The following KAZN variants were observed in gnomAD, a reference collection of about 807,000 sequenced individuals.
KAZN encodes the protein kazrin.
Under a neutral mutation model 87.4 loss-of-function variants are expected in KAZN, and 40 were observed. The observed-to-expected ratio is 0.46, with a 90% confidence interval of 0.36 to 0.60. KAZN has a LOEUF of 0.60. KAZN is among the 20% of genes least tolerant of loss of function. The pLI, the probability that KAZN is intolerant of heterozygous loss-of-function variation, is 0.00. For missense variants in KAZN, 898 were observed against 1,073.9 expected, an observed-to-expected ratio of 0.84 and a Z score of 2.29; for synonymous variants, 466 against 458.3, an observed-to-expected ratio of 1.02 and a Z score of -0.22.
In KAZN at chr1:14,668,553, C is replaced by T. The variant is rs984030015; in HGVS notation, c.226+69330C>T. 2.0e-4 allele frequency among the ~76,000 whole-genome samples: 30 copies of T among 152,172 alleles called. 1 individual carries two copies. The highest frequency in any genetic ancestry group is 1.2e-3 in the Admixed American group (19 of 15,292). On this transcript the variant is annotated intron_variant, in intron 1 of 14. Coordinates refer to ENST00000376030, the MANE Select transcript of KAZN (RefSeq NM_201628.3). ...CCCAGAGCCCACCTGGGGAAAGGGC[C>T]GAATCCCTTCTTCCTGTTTCCCCTC...
rs78597794 is a variant in KAZN, at chr1:14,298,370, C to T, written c.249+117778C>T. ...CCCTGTGTTCCTCCTTGTCTTCTTT[C>T]ATGATGAAACTCAAGATGGCTTGTG... is the stretch of plus-strand genomic sequence containing the variant. On this transcript the variant is annotated intron_variant, in intron 2 of 16. Coordinates refer to the KAZN transcript ENST00000636203. Among the ~76,000 whole-genome samples, 473 of 152,278 alleles carry T rather than the reference C, an allele frequency of 3.1e-3. 1 individual carries two copies. Among genetic ancestry groups the T allele is most frequent in the African/African-American group, 0.011 (451 of 41,560 alleles).
At chr1:14,578,183 A>G (rs1285951389) in intron 2 of KAZN, among the ~76,000 whole-genome samples, 1 of 152,100 alleles carries the variant, frequency 6.6e-6, no homozygotes, top group African/African-American at 2.4e-5. Context: ...TCCATTAATT[A>G]CTTTCCAGGC....
chr1:14,511,229 G>A (rs1670888330), intron 2 of KAZN, among the ~76,000 whole-genome samples: 1 of 152,176 alleles, frequency 6.6e-6, no homozygotes. Context: ...TGTCAAGCCA[G>A]TTTTGAAAGA....
rs1403829488 is a variant in KAZN, at chr1:14,960,865, A to G, written c.408A>G (p.Glu136=). 6.2e-7 allele frequency: 1 copy of G among 1,605,368 alleles called. No homozygotes were observed. The highest frequency in any genetic ancestry group is 1.3e-5 in the African/African-American group (1 of 74,710). The change falls in exon 2 of 15, where the codon GAA becomes GAG. Residue 136 remains glutamate (E), a synonymous_variant. Coordinates refer to ENST00000376030, the MANE Select transcript of KAZN (RefSeq NM_201628.3). ...QKEQELARAK[E]ALQAMKADRK... Reference sequence around the variant, plus strand: ...AGCAGGAGCTAGCCAGAGCCAAAGAAGCCTTGCAGGGTGAGTGACGAGTCA... The same window carrying G: ...AGCAGGAGCTAGCCAGAGCCAAAGAGGCCTTGCAGGGTGAGTGACGAGTCA...
At chr1:14,101,035 T>A (rs1223990285) in intron 1 of KAZN, among the ~76,000 whole-genome samples, 1 of 152,232 alleles carries the variant, frequency 6.6e-6, no homozygotes, top group Non-Finnish European at 1.5e-5. Context: ...CCCAGCCACA[T>A]GGAACTGTGA....
At chr1:14,963,284 T>C (rs1664098003) in intron 2 of KAZN, among the ~76,000 whole-genome samples, 1 of 152,210 alleles carries the variant, frequency 6.6e-6, no homozygotes, top group African/African-American at 2.4e-5. Flanking sequence ...GCCAACACTC[T>C]TCTAAGTACG....
intron 2 of KAZN, among the ~76,000 whole-genome samples, chr1:14,590,355 CAG>C (rs981171427): frequency 1.3e-5 from 2 of 152,116 alleles, no homozygotes; most frequent in African/African-American, 4.8e-5. Flanking sequence ...GAACCTTTTG[CAG>C]AGAGTGAAGG....
chr1:14,828,829 A>C (rs895485502), intron 1 of KAZN, among the ~76,000 whole-genome samples: 45 of 152,292 alleles, frequency 3.0e-4, no homozygotes, highest in African/African-American at 9.9e-4. Context: ...TTGTTACTTC[A>C]TGGTCACAAG....
chr1:15,059,552 G>A (rs1009179297), intron 5 of KAZN, among the ~76,000 whole-genome samples: 3 of 152,170 alleles, frequency 2.0e-5, no homozygotes, highest in African/African-American at 7.2e-5. Context: ...CCCACCGGGA[G>A]GCCTCATGGT....
In KAZN at chr1:15,012,919, C is replaced by T. The variant is rs185665566; in HGVS notation, c.419-21830C>T. On this transcript the variant is annotated intron_variant, in intron 2 of 14. Transcript: ENST00000376030. ...CCTCGGCAACAGAAAGAGACTGTCT[C>T]AAAAAAAAGAAAAGAATGGGAAGCG... Among the ~76,000 whole-genome samples the T allele has an allele frequency of 3.2e-4, 48 of 151,880 alleles. No individual in the cohort carries two copies. In the East Asian group the frequency reaches 7.1e-3, roughly 23 times the overall value.
intron 1 of KAZN, among the ~76,000 whole-genome samples, chr1:14,070,004 A>G (rs1305101981): frequency 6.6e-6 from 1 of 151,924 alleles, no homozygotes; most frequent in African/African-American, 2.4e-5. Flanking sequence ...CTCTGTCTCT[A>G]CTAAAATACA....
At chr1:14,426,758 G>A (rs1415183004) in intron 2 of KAZN, among the ~76,000 whole-genome samples, 1 of 152,128 alleles carries the variant, frequency 6.6e-6, no homozygotes, top group Non-Finnish European at 1.5e-5. Flanking sequence ...CTCCCAAGCT[G>A]AGAAGGTCAG....
intron 2 of KAZN, among the ~76,000 whole-genome samples, chr1:14,300,909 G>A (rs1305126395): frequency 6.6e-6 from 1 of 152,184 alleles, no homozygotes; most frequent in Non-Finnish European, 1.5e-5. Flanking sequence ...AGTCATTGTG[G>A]AACTTGGGTG....
Position 14,453,955 on chromosome 1 carries a change from C to T in KAZN, c.250-145028C>T, listed in dbSNP as rs115806241. Reference sequence around the variant, plus strand: ...CTTCTATTACCATATTCAACAAAGACATAAAAGGCCTTGCAAAAAAGAACT... The same window carrying T: ...CTTCTATTACCATATTCAACAAAGATATAAAAGGCCTTGCAAAAAAGAACT... On this transcript the variant is annotated intron_variant, in intron 2 of 16. Coordinates refer to the KAZN transcript ENST00000636203. 2.7e-3 allele frequency among the ~76,000 whole-genome samples: 410 copies of T among 152,268 alleles called. 3 individuals carry two copies. The highest frequency in any genetic ancestry group is 9.2e-3 in the African/African-American group (381 of 41,542).
intron 2 of KAZN, among the ~76,000 whole-genome samples, chr1:14,313,602 C>T (rs745976477): frequency 8.5e-5 from 13 of 152,098 alleles, no homozygotes; most frequent in Non-Finnish European, 1.8e-4. Context: ...TAAGTCACTT[C>T]ACTTTTCTGG....
intron 1 of KAZN, among the ~76,000 whole-genome samples, chr1:13,936,093 G>T (rs1640725778): frequency 2.6e-5 from 1 of 38,246 alleles, no homozygotes; most frequent in African/African-American, 8.4e-5. Flanking sequence ...TGGTACAAGT[G>T]CAGTTTTTTT....
At chr1:14,347,202 G>GT (rs1255298466) in intron 2 of KAZN, among the ~76,000 whole-genome samples, 5 of 152,214 alleles carry the variant, frequency 3.3e-5, no homozygotes, top group Admixed American at 2.0e-4. Flanking sequence ...ACGTGTATGT[G>GT]TAAGGGCTAT....
Position 15,000,324 on chromosome 1 carries a change from A to G in KAZN, c.419-34425A>G, listed in dbSNP as rs553002164. On this transcript the variant is annotated intron_variant, in intron 2 of 14. Transcript: ENST00000376030. ...GGAGCCTGGCCCTGCCAACACCCTG[A>G]TTTTGGCCCAGTGAAACCTAATTTG... 1.3e-3 allele frequency among the ~76,000 whole-genome samples: 196 copies of G among 151,990 alleles called. 3 individuals carry two copies. Among genetic ancestry groups the G allele is most frequent in the African/African-American group, 4.5e-3 (186 of 41,264 alleles).
At chr1:14,788,305 G>A (rs1374024146) in intron 1 of KAZN, among the ~76,000 whole-genome samples, 6 of 152,162 alleles carry the variant, frequency 3.9e-5, no homozygotes, top group African/African-American at 9.7e-5. Flanking sequence ...CCAGGAGCAC[G>A]GCCAAAAGAC....
Sources: gnomAD v4.1 joint callset for allele counts (sites outside exome capture counted in the v4.1 genomes callset) on GRCh38, gnomAD v4.1.1 for gene constraint, MANE v1.5 for transcripts, NCBI Gene and HGNC (gene_info 2026-07-23, HGNC 2026-07-21) for gene names.